Variants in ENTPD7 observed in about 807,000 individuals in gnomAD.
The protein encoded by ENTPD7 is NTPDase 7.
In ENTPD7, 53 loss-of-function variants were observed where a neutral mutation model predicts 77.9. The observed-to-expected ratio is 0.68, with a 90% CI of 0.55 to 0.85. ENTPD7 has a LOEUF of 0.85. Among genes scored for constraint, ENTPD7 ranks in the 40% least tolerant of loss-of-function variants. The pLI, the probability that ENTPD7 is intolerant of heterozygous loss-of-function variation, is 0.00. For synonymous variants in ENTPD7, 248 were observed against 274.9 expected (o/e 0.90, Z 0.97); for missense variants, 636 against 743.7 (o/e 0.86, Z 1.68).
rs1486940896 is a variant in ENTPD7 at position 99,698,664 on chromosome 10, TCTTGTGGGG to T, written c.1143_1151del (p.Cys382_Ala384del). On this transcript the variant is annotated inframe_deletion, in exon 10 of 13. Transcript: ENST00000370489. Reference sequence around the variant, plus strand: ...TGTCCGAGGAAGAGGAGACTGGGTGTCTTGTGGGGCAATGCTGAGCCCCCTGCTGGCTCG... The same window carrying T: ...TGTCCGAGGAAGAGGAGACTGGGTGTCAATGCTGAGCCCCCTGCTGGCTCG... 6.2e-7 allele frequency: 1 copy of T among 1,614,156 alleles called. No individual in the cohort carries two copies. Among genetic ancestry groups the T allele is most frequent in the South Asian group, 1.1e-5 (1 of 91,076 alleles).
chr10:99,669,739 G>GTT (rs1564627684), intron 3 of ENTPD7, among the ~76,000 whole-genome samples: 8 of 89,436 alleles, frequency 8.9e-5, no homozygotes, highest in African/African-American at 1.9e-4. Flanking sequence ...TTAGATGTGT[G>GTT]GTTTTTTTTT....
intron 3 of ENTPD7, among the ~76,000 whole-genome samples, chr10:99,677,064 G>A (rs746178570): frequency 1.3e-5 from 2 of 152,116 alleles, no homozygotes; most frequent in Non-Finnish European, 2.9e-5. Context: ...TTTGTCTAAC[G>A]ATGTGAAATC....
At chr10:99,695,350 C>T (rs945887948) in intron 8 of ENTPD7, among the ~76,000 whole-genome samples, 1 of 151,924 alleles carries the variant, frequency 6.6e-6, no homozygotes, top group Admixed American at 6.6e-5. Context: ...TGGTGAAACC[C>T]GTCTCCACTA....
intron 2 of ENTPD7, 67 bp downstream of exon 2, chr10:99,660,031 T>TG: frequency 6.2e-7 from 1 of 1,610,908 alleles, no homozygotes; most frequent in African/African-American, 1.3e-5. Context: ...TGGGGGGCCC[T>TG]GGGAGGCTGT....
intron 3 of ENTPD7, among the ~76,000 whole-genome samples, chr10:99,670,151 T>G (rs2035603629): frequency 6.6e-6 from 1 of 152,232 alleles, no homozygotes; most frequent in Non-Finnish European, 1.5e-5. Flanking sequence ...ATTTATTCAT[T>G]TATCTGTTTA....
intron 11 of ENTPD7, among the ~76,000 whole-genome samples, chr10:99,702,006 G>T (rs192285855): frequency 6.6e-6 from 1 of 151,512 alleles, no homozygotes; most frequent in African/African-American, 2.4e-5. Flanking sequence ...CTGAGATCGC[G>T]CCACTGCACT....
At chr10:99,680,005 C>A (rs1048237884) in intron 5 of ENTPD7, 130 bp downstream of exon 5, 2 of 1,115,572 alleles carry the variant, frequency 1.8e-6, no homozygotes, top group African/African-American at 3.1e-5. Flanking sequence ...CATTCATTCC[C>A]AACTTCTTGT....
intron 9 of ENTPD7, among the ~76,000 whole-genome samples, chr10:99,697,017 CATT>C (rs1564634716): frequency 2.0e-5 from 3 of 152,198 alleles, no homozygotes; most frequent in Non-Finnish European, 4.4e-5. Context: ...TATACTTAAC[CATT>C]TAGCTACGAA....
At chr10:99,698,204 G>A (rs1321285075) in intron 9 of ENTPD7, among the ~76,000 whole-genome samples, 10 of 152,162 alleles carry the variant, frequency 6.6e-5, no homozygotes, top group African/African-American at 2.2e-4. Context: ...CACTCCGCAC[G>A]ATAAGGTCCT....
At chr10:99,673,499 G>C (rs1483187342) in intron 3 of ENTPD7, among the ~76,000 whole-genome samples, 3 of 152,276 alleles carry the variant, frequency 2.0e-5, no homozygotes, top group Admixed American at 6.5e-5. Flanking sequence ...GGGGAAAACT[G>C]TTCTTTAGTT....
chr10:99,687,853 C>G (rs1271081424), intron 6 of ENTPD7, among the ~76,000 whole-genome samples: 1 of 152,154 alleles, frequency 6.6e-6, no homozygotes, highest in Non-Finnish European at 1.5e-5. Flanking sequence ...TTTGCCCACT[C>G]TCTGCCATGC....
chr10:99,698,773 G>T lies in ENTPD7; in HGVS notation c.1250G>T (p.Gly417Val). 6.2e-7 allele frequency: 1 copy of T among 1,614,224 alleles called. No individual in the cohort carries two copies. Among genetic ancestry groups the T allele is most frequent in the South Asian group, 1.1e-5 (1 of 91,086 alleles). Reference sequence around the variant, plus strand: ...GACTTCAACAACAGCGAGTTCTACGGCTTCTCTGAGTTTTTTTATTGTACA... The same window carrying T: ...GACTTCAACAACAGCGAGTTCTACGTCTTCTCTGAGTTTTTTTATTGTACA... ...PIDFNNSEFY[G>V]FSEFFYCTED... Residue 417 changes from glycine (G) to valine (V), a missense_variant, in exon 10 of 13, where the codon GGC becomes GTC. Gly to Val is a moderately radical substitution (Grantham distance 109). Transcript: ENST00000370489.
chr10:99,671,514 A>G (rs966107195), intron 3 of ENTPD7, among the ~76,000 whole-genome samples: 2 of 152,234 alleles, frequency 1.3e-5, no homozygotes, highest in Non-Finnish European at 2.9e-5. Flanking sequence ...ATTAAGTAAT[A>G]GGAATTTTTT....
In ENTPD7 at chr10:99,687,259, CTTTTTTTTT is replaced by C. The variant is rs71009768; in HGVS notation, c.652+1381_652+1389del. Among the ~76,000 whole-genome samples, 20 of 29,522 alleles carry C rather than the reference CTTTTTTTTT, an allele frequency of 6.8e-4. 1 individual carries two copies. Among genetic ancestry groups the C allele is most frequent in the African/African-American group, 2.4e-3 (17 of 7,138 alleles). The allele number at this position is 29,522 out of a possible 152,430, so 19.4% of individuals were successfully genotyped here. A position where few individuals can be genotyped will look rare whatever the true frequency, so the allele number is the denominator to read the frequency against. ...TTTTCTTTTCTTTCTTTCTTTCTTT[CTTTTTTTTT>C]TTTTTTTTTTTTTTTTGAGACAGAG... On this transcript the variant is annotated intron_variant, in intron 6 of 12. Coordinates refer to ENST00000370489, the MANE Select transcript of ENTPD7 (RefSeq NM_020354.5).
Position 99,711,092 on chromosome 10 carries a change from A to G in ENTPD7, c.*6409A>G. 1.1e-6 allele frequency: 1 copy of G among 896,984 alleles called. No individual in the cohort carries two copies. The highest frequency in any genetic ancestry group is 1.3e-6 in the Non-Finnish European group (1 of 789,342). The allele number at this position is 896,984 out of a possible 1,614,324, so 55.6% of individuals were successfully genotyped here. On this transcript the variant is annotated 3_prime_UTR_variant, in exon 13 of 13. Transcript: ENST00000370489. ...TATGTGTCTGGGAGTGCTGGGAATA[A>G]CATAAATACAAAAAAAACCCTAAGA...
Position 99,672,185 on chromosome 10 carries a change from A to G in ENTPD7, c.192-7076A>G, listed in dbSNP as rs549118044. Among the ~76,000 whole-genome samples the G allele has an allele frequency of 2.9e-3, 448 of 152,090 alleles. 3 individuals are homozygous for G. Among genetic ancestry groups the G allele is most frequent in the African/African-American group, 0.011 (436 of 41,504 alleles). On this transcript the variant is annotated intron_variant, in intron 3 of 12. Coordinates refer to ENST00000370489, the MANE Select transcript of ENTPD7 (RefSeq NM_020354.5). ...TATTTTTAGAGACAGGGGTCTCACT[A>G]TGTTGCCCAGGTTGGCCTTGAACAC... is the stretch of plus-strand genomic sequence containing the variant.
intron 7 of ENTPD7, among the ~76,000 whole-genome samples, chr10:99,690,034 T>G (rs2035860738): frequency 1.3e-5 from 2 of 152,252 alleles, no homozygotes; most frequent in African/African-American, 4.8e-5. Context: ...TATTATGAAC[T>G]CATGGATTTT....
chr10:99,698,883 C>G, intron 10 of ENTPD7, 25 bp downstream of exon 10: 1 of 1,561,708 alleles, frequency 6.4e-7, no homozygotes, highest in Non-Finnish European at 8.7e-7. Context: ...ATAAACATGG[C>G]TTATGCTGGC....
intron 6 of ENTPD7, among the ~76,000 whole-genome samples, chr10:99,688,282 G>A (rs991386449): frequency 1.3e-4 from 20 of 152,102 alleles, no homozygotes; most frequent in Non-Finnish European, 2.2e-4. Flanking sequence ...TCTCTTTCCC[G>A]GTGTGCTCAT....
Sources: gnomAD v4.1 joint callset for allele counts (sites outside exome capture counted in the v4.1 genomes callset) on GRCh38, gnomAD v4.1.1 for gene constraint, MANE v1.5 for transcripts, NCBI Gene and HGNC (gene_info 2026-07-23, HGNC 2026-07-21) for gene names.